Variants in CTNNA2 observed in about 807,000 individuals in gnomAD.
The protein encoded by CTNNA2 is catenin alpha 2.
In CTNNA2, 42 loss-of-function variants were observed where a neutral mutation model predicts 101.0. That is an observed-to-expected ratio of 0.42 (90% confidence interval 0.32 to 0.54). CTNNA2 has a LOEUF of 0.54. CTNNA2 is among the 20% of genes least tolerant of loss of function. CTNNA2 has a pLI of 0.14. For synonymous variants in CTNNA2, 450 were observed against 456.4 expected, an observed-to-expected ratio of 0.99 and a Z score of 0.18; for missense variants, 871 against 1,223.1, an observed-to-expected ratio of 0.71 and a Z score of 4.29.
rs1399358226 is a variant in CTNNA2, at chr2:79,651,482, T to C, written c.-5-70T>C. ...GTTCTAAGTTTCAGTGATTTACCCA[T>C]TTTGAATCACCAAAGTTACAATTTA... On this transcript the variant is annotated intron_variant, in intron 1 of 18. Transcript: ENST00000402739. 7 of 1,427,648 alleles carry C rather than the reference T, an allele frequency of 4.9e-6. No individual in the cohort carries two copies. In the African/African-American group the frequency reaches 5.6e-5, roughly 11 times the overall value. 88.4% of individuals were successfully genotyped at this position (1,427,648 alleles called of 1,614,324 possible).
At chr2:80,418,637 G>T (rs991123572) in intron 8 of CTNNA2, among the ~76,000 whole-genome samples, 10 of 152,126 alleles carry the variant, frequency 6.6e-5, no homozygotes, top group African/African-American at 2.4e-4. Flanking sequence ...AATGCTCCTG[G>T]ATAGGTATAT....
intron 7 of CTNNA2, among the ~76,000 whole-genome samples, chr2:80,388,576 A>G (rs1388468494): frequency 6.6e-6 from 1 of 152,186 alleles, no homozygotes. Flanking sequence ...CTTTCATTCT[A>G]CAGATGATAA....
Position 80,574,201 on chromosome 2 carries a change from G to A in CTNNA2, c.1780G>A (p.Glu594Lys), listed in dbSNP as rs367957293. The part of the protein sequence containing the change: ...RFAEQVEVAI[E>K]ALSANVPQPF... ...CGCTGAACAAGTAGAGGTTGCCATT[G>A]AAGCCCTGAGTGCCAACGTTCCTCA... Residue 594 changes from glutamate to lysine, a missense_variant, in exon 13 of 19, where the codon GAA becomes AAA. By Grantham distance (56) the Glu-to-Lys change is moderately conservative (BLOSUM62 1). Coordinates refer to ENST00000402739, the MANE Select transcript of CTNNA2 (RefSeq NM_001282597.3). 1.2e-6 allele frequency: 2 copies of A among 1,613,552 alleles called. No homozygotes were observed. The highest frequency in any genetic ancestry group is 1.7e-5 in the Admixed American group (1 of 60,012).
At chr2:79,770,370 C>T (rs1295168271) in intron 3 of CTNNA2, among the ~76,000 whole-genome samples, 1 of 152,120 alleles carries the variant, frequency 6.6e-6, no homozygotes, top group Non-Finnish European at 1.5e-5. Context: ...ACCAATTAGT[C>T]AACACCAAAA....
chr2:80,550,909 C>T (rs114426508), intron 11 of CTNNA2, among the ~76,000 whole-genome samples: 3,226 of 152,228 alleles, frequency 0.021, 103 homozygotes, highest in African/African-American at 0.073. Flanking sequence ...ACTAGGATGG[C>T]GAATTCTTTC....
At position 79,336,946 on chromosome 2, in the gene CTNNA2, G is replaced by A. The variant is rs145563351; in HGVS notation, c.-318+24150G>A. Among the ~76,000 whole-genome samples the A allele has an allele frequency of 3.7e-3, 565 of 152,224 alleles. 3 individuals carry two copies. Among genetic ancestry groups the A allele is most frequent in the Middle Eastern group, 0.017 (5 of 294 alleles). ...TGTGACCAGACTCTTCCCAGATTGT[G>A]ACCTTGGCTGCTGCCCGTCTTCCCT... On this transcript the variant is annotated intron_variant, in intron 3 of 21. Transcript: ENST00000466387.
intron 2 of CTNNA2, among the ~76,000 whole-genome samples, chr2:79,722,411 T>C (rs867623776): frequency 4.6e-5 from 7 of 152,150 alleles, no homozygotes; most frequent in Non-Finnish European, 8.8e-5. Context: ...CACAGAAATG[T>C]ACGTTCAGTT....
intron 7 of CTNNA2, among the ~76,000 whole-genome samples, chr2:79,958,959 A>G (rs1471026370): frequency 6.6e-6 from 1 of 152,222 alleles, no homozygotes; most frequent in Non-Finnish European, 1.5e-5. Context: ...ATAAAAGTCC[A>G]AAGGTTTGAT....
At chr2:80,622,047 T>G (rs1671181831) in intron 18 of CTNNA2, among the ~76,000 whole-genome samples, 1 of 151,928 alleles carries the variant, frequency 6.6e-6, no homozygotes, top group African/African-American at 2.4e-5. Flanking sequence ...TGAAGATATA[T>G]CTTGTGTTCA....
intron 2 of CTNNA2, among the ~76,000 whole-genome samples, chr2:79,295,265 AC>A (rs1170243576): frequency 6.6e-6 from 1 of 152,062 alleles, no homozygotes; most frequent in East Asian, 1.9e-4. Flanking sequence ...CTGAGAAGAA[AC>A]CCTGCCATGT....
At chr2:80,342,903 C>A (rs1672369237) in intron 7 of CTNNA2, among the ~76,000 whole-genome samples, 1 of 152,184 alleles carries the variant, frequency 6.6e-6, no homozygotes, top group African/African-American at 2.4e-5. Context: ...GAGGTTCCTA[C>A]TGAAGGTTGT....
intron 3 of CTNNA2, among the ~76,000 whole-genome samples, chr2:79,777,877 A>G (rs1184922306): frequency 6.8e-6 from 1 of 147,584 alleles, no homozygotes; most frequent in African/African-American, 2.5e-5. Flanking sequence ...CCAGTCATAG[A>G]TTTATTTGCA....
At chr2:80,330,733 A>C (rs1401543322) in intron 7 of CTNNA2, among the ~76,000 whole-genome samples, 1 of 152,074 alleles carries the variant, frequency 6.6e-6, no homozygotes, top group African/African-American at 2.4e-5. Flanking sequence ...ATTGCCACCA[A>C]GAGTCTTGTT....
chr2:80,074,446 T>C (rs1382472230), intron 7 of CTNNA2, among the ~76,000 whole-genome samples: 2 of 152,216 alleles, frequency 1.3e-5, no homozygotes, highest in Non-Finnish European at 2.9e-5. Flanking sequence ...GAAGTTCATT[T>C]GCAAGAAGAG....
At chr2:79,879,753 G>T (rs553259161) in intron 6 of CTNNA2, among the ~76,000 whole-genome samples, 2 of 152,246 alleles carry the variant, frequency 1.3e-5, no homozygotes, top group South Asian at 4.1e-4. Context: ...ATACAATCAT[G>T]TTGTCTGCAA....
intron 2 of CTNNA2, among the ~76,000 whole-genome samples, chr2:79,219,700 T>C (rs2104218504): frequency 6.6e-6 from 1 of 152,302 alleles, no homozygotes; most frequent in East Asian, 1.9e-4. Flanking sequence ...TCGTAGCTTA[T>C]ATAAAGTATC....
At chr2:80,461,497 A>G (rs1362203834) in intron 9 of CTNNA2, among the ~76,000 whole-genome samples, 1 of 152,196 alleles carries the variant, frequency 6.6e-6, no homozygotes, top group Non-Finnish European at 1.5e-5. Flanking sequence ...TAGGGTTCCT[A>G]TAACTATTGC....
At chr2:80,392,478 G>A (rs1302664564) in intron 7 of CTNNA2, among the ~76,000 whole-genome samples, 3 of 152,060 alleles carry the variant, frequency 2.0e-5, no homozygotes, top group African/African-American at 7.2e-5. Context: ...TTTCTGTTGA[G>A]TTTTAATTGT....
At chr2:80,383,268 A>G (rs1444937807) in intron 7 of CTNNA2, among the ~76,000 whole-genome samples, 1 of 152,304 alleles carries the variant, frequency 6.6e-6, no homozygotes, top group South Asian at 2.1e-4. Flanking sequence ...GAAGTGGGTG[A>G]AATTTATTTT....
Sources: allele counts gnomAD v4.1 joint callset (sites outside exome capture counted in the v4.1 genomes callset), GRCh38; gene constraint gnomAD v4.1.1; transcripts MANE v1.5; gene names NCBI Gene and HGNC (gene_info 2026-07-23, HGNC 2026-07-21).